The following HSPB2 variants were observed in gnomAD, a reference collection of about 807,000 sequenced individuals.
The protein encoded by HSPB2 is heat shock protein beta-2.
Under a neutral mutation model 14.1 loss-of-function variants are expected in HSPB2, and 14 were observed. The observed-to-expected ratio is 0.99, with a 90% CI of 0.66 to 1.55. HSPB2 has a LOEUF of 1.55. HSPB2 is among the 40% of genes most tolerant of loss of function. The probability of loss-of-function intolerance (pLI) is 0.00; values close to 1 mark genes in which losing one functional copy is unlikely to be tolerated. For synonymous variants in HSPB2, 110 were observed against 103.4 expected, an observed-to-expected ratio of 1.06 and a Z score of -0.39; for missense variants, 242 against 241.7, an observed-to-expected ratio of 1.00 and a Z score of -0.01.
Position 111,913,853 on chromosome 11 carries a change from T to A in HSPB2, c.507T>A (p.Pro169=), listed in dbSNP as rs1965551939. 1.9e-6 allele frequency: 3 copies of A among 1,613,366 alleles called. No individual in the cohort carries two copies. Among genetic ancestry groups the A allele is most frequent in the Non-Finnish European group, 2.5e-6 (3 of 1,179,676 alleles). Residue 169 remains proline (P), a synonymous_variant, in exon 2 of 2, where the codon CCT becomes CCA. Coordinates refer to ENST00000304298, the MANE Select transcript of HSPB2 (RefSeq NM_001541.4). ...ACATCTCCCTGCTCCCTGCGCCTCC[T>A]GATCCAGAGGAAGAGGAGGAGGCAG... ...EVYISLLPAP[P]DPEEEEEAAI...
chr11:111,913,217 C>A (rs1240717538), intron 1 of HSPB2: 2 of 604,186 alleles, frequency 3.3e-6, no homozygotes, highest in African/African-American at 1.9e-5. Context: ...TCCTCCTCCC[C>A]CTCCTCCTCC....
Position 111,913,822 on chromosome 11 carries a change from A to T in HSPB2, c.476A>T (p.Glu159Val). Residue 159 changes from glutamate (E) to valine (V), a missense_variant, in exon 2 of 2, where the codon GAG becomes GTG. Physicochemically the swap from Glu to Val is moderately radical, Grantham distance 121. Coordinates refer to ENST00000304298, the MANE Select transcript of HSPB2 (RefSeq NM_001541.4). ...CGACATTTGGACACAGAGGTCAATG[A>T]GGTCTACATCTCCCTGCTCCCTGCG... ...GGRHLDTEVN[E>V]VYISLLPAPP... 1.2e-6 allele frequency: 2 copies of T among 1,614,158 alleles called. No individual in the cohort carries two copies. Among genetic ancestry groups the T allele is most frequent in the Middle Eastern group, 1.6e-4 (1 of 6,062 alleles).
At position 111,913,872 on chromosome 11, in the gene HSPB2, G is replaced by T. The variant is rs1965552561; in HGVS notation, c.526G>T (p.Glu176Ter). ...GCCTCCTGATCCAGAGGAAGAGGAG[G>T]AGGCAGCCATAGTTGAGCCCTGATT... is the stretch of plus-strand genomic sequence containing the variant. ...PAPPDPEEEE[E>*]AAIVEP is the part of the protein sequence containing the mutation. The change falls in exon 2 of 2, where the codon GAG becomes TAG. Residue 176 changes from glutamate (E) to a stop codon, truncating the protein, a stop_gained. Coordinates refer to ENST00000304298, the MANE Select transcript of HSPB2 (RefSeq NM_001541.4). LOFTEE classifies it high-confidence loss of function. 4 of 1,611,226 alleles carry T rather than the reference G, an allele frequency of 2.5e-6. No homozygotes were observed. The highest frequency in any genetic ancestry group is 3.3e-4 in the Middle Eastern group (2 of 6,050).
rs782506463 is a variant in HSPB2 at position 111,913,467 on chromosome 11, C to A, written c.121C>A (p.Pro41Thr). 3 of 1,611,314 alleles carry A rather than the reference C, an allele frequency of 1.9e-6. No individual in the cohort carries two copies. The highest frequency in any genetic ancestry group is 1.3e-5 in the African/African-American group (1 of 75,048). ...EGLLPEEILT[P>T]TLYHGYYVRP... ...CCTCCTGCCAGAAGAGATCCTGACC[C>A]CCACACTCTACCATGGCTACTATGT... The change falls in exon 2 of 2, where the codon CCC (proline) becomes ACC (threonine). Residue 41 changes from proline (P) to threonine (T), a missense_variant. Pro to Thr is a conservative substitution (Grantham distance 38). Coordinates refer to ENST00000304298, the MANE Select transcript of HSPB2 (RefSeq NM_001541.4).
Position 111,912,900 on chromosome 11 carries a change from T to TG in HSPB2, c.74dup (p.Glu26Ter). Reference sequence around the variant, plus strand: ...TACGAATTTGCCAACCCGAGCCGCCTGGGTGAGCAGCGCTTCGGAGAAGGT... The same window carrying TG: ...TACGAATTTGCCAACCCGAGCCGCCTGGGGTGAGCAGCGCTTCGGAGAAGGT... On this transcript the variant is annotated frameshift_variant, in exon 1 of 2. Transcript: ENST00000304298. LOFTEE classifies it high-confidence loss of function. The TG allele has an allele frequency of 6.2e-7, 1 of 1,608,360 alleles. No homozygotes were observed. Among genetic ancestry groups the TG allele is most frequent in the Non-Finnish European group, 8.5e-7 (1 of 1,178,524 alleles).
chr11:111,913,228 T>G, intron 1 of HSPB2: 1 of 547,776 alleles, frequency 1.8e-6, no homozygotes, highest in East Asian at 3.3e-5. Flanking sequence ...CTCCTCCTCC[T>G]TCTCCTCCTC....
chr11:111,913,802 T>C lies in HSPB2; in HGVS notation c.456T>C (p.His152=). Residue 152 remains histidine (H), a synonymous_variant, in exon 2 of 2, where the codon CAT becomes CAC. Transcript: ENST00000304298. ...TGGAAGCACCTCGGGGTGGCCGACATTTGGACACAGAGGTCAATGAGGTCT... is the reference window on the plus strand; with the variant it reads ...TGGAAGCACCTCGGGGTGGCCGACACTTGGACACAGAGGTCAATGAGGTCT... ...LNLEAPRGGR[H]LDTEVNEVYI... 3 of 1,614,138 alleles carry C rather than the reference T, an allele frequency of 1.9e-6. No homozygotes were observed. The highest frequency in any genetic ancestry group is 2.5e-6 in the Non-Finnish European group (3 of 1,180,022).
Position 111,913,948 on chromosome 11 carries a change from G to A in HSPB2, c.*53G>A, listed in dbSNP as rs777642141. On this transcript the variant is annotated 3_prime_UTR_variant, in exon 2 of 2. Coordinates refer to ENST00000304298, the MANE Select transcript of HSPB2 (RefSeq NM_001541.4). ...CCCTCTCTACCTCCCAAGGTGATAT[G>A]GGCAGCTGCCCACCACTCCAGAGGT... 72 of 1,477,614 alleles carry A rather than the reference G, an allele frequency of 4.9e-5. No homozygotes were observed. Among genetic ancestry groups the A allele is most frequent in the Non-Finnish European group, 6.0e-5 (65 of 1,091,032 alleles). 91.5% of individuals were successfully genotyped at this position (1,477,614 alleles called of 1,614,324 possible). A position where few individuals can be genotyped will look rare whatever the true frequency, so the allele number is the denominator to read the frequency against.
Position 111,913,602 on chromosome 11 carries a change from G to A in HSPB2, c.256G>A (p.Asp86Asn). The A allele has an allele frequency of 2.5e-6, 4 of 1,614,198 alleles. No homozygotes were observed. Among genetic ancestry groups the A allele is most frequent in the Non-Finnish European group, 3.4e-6 (4 of 1,180,038 alleles). Residue 86 changes from aspartate to asparagine, a missense_variant, in exon 2 of 2, where the codon GAC (aspartate) becomes AAC (asparagine). Coordinates refer to ENST00000304298, the MANE Select transcript of HSPB2 (RefSeq NM_001541.4). ...TCTGGATGTGAGCCACTTTACCCCA[G>A]ACGAGGTGACTGTGAGGACTGTGGA... ...AFLDVSHFTPDEVTVRTVDNL... is the reference protein window; with the variant it reads ...AFLDVSHFTPNEVTVRTVDNL...
At chr11:111,913,386 C>A (rs1965533025) in intron 1 of HSPB2, 55 bp from the exon 2 acceptor site, 2 of 1,395,780 alleles carry the variant, frequency 1.4e-6, no homozygotes, top group South Asian at 1.3e-5. Context: ...CATTTCGCCC[C>A]TGTGCCAGCC....
Position 111,912,870 on chromosome 11 carries a change from CCGAGTA to C in HSPB2, c.45_50del (p.Tyr16_Glu17del). 1 of 1,609,582 alleles carries C rather than the reference CCGAGTA, an allele frequency of 6.2e-7. No homozygotes were observed. The highest frequency in any genetic ancestry group is 1.1e-5 in the South Asian group (1 of 90,036). ...GTGCCACATGCCCACCCGGCCACCG[CCGAGTA>C]CGAATTTGCCAACCCGAGCCGCCTG... On this transcript the variant is annotated inframe_deletion, in exon 1 of 2. Coordinates refer to ENST00000304298, the MANE Select transcript of HSPB2 (RefSeq NM_001541.4).
chr11:111,913,338 C>G, intron 1 of HSPB2, 103 bp from the exon 2 acceptor site: 2 of 878,680 alleles, frequency 2.3e-6, no homozygotes, highest in Non-Finnish European at 3.6e-6. Context: ...CTCCTGACTC[C>G]CCTCTTGCTC....
At chr11:111,913,113 A>C in intron 1 of HSPB2, 190 bp downstream of exon 1, 1 of 604,850 alleles carries the variant, frequency 1.7e-6, no homozygotes, top group Non-Finnish European at 3.0e-6. Context: ...ACCTCAAGAC[A>C]CACTTGGTGC....
At position 111,913,604 on chromosome 11, in the gene HSPB2, C is replaced by G. The variant is rs141344478; in HGVS notation, c.258C>G (p.Asp86Glu). The G allele has an allele frequency of 2.5e-6, 4 of 1,614,198 alleles. No individual in the cohort carries two copies. Among genetic ancestry groups the G allele is most frequent in the African/African-American group, 1.3e-5 (1 of 75,052 alleles). ...AFLDVSHFTP[D>E]EVTVRTVDNL... ...TGGATGTGAGCCACTTTACCCCAGACGAGGTGACTGTGAGGACTGTGGATA... is the reference window on the plus strand; with the variant it reads ...TGGATGTGAGCCACTTTACCCCAGAGGAGGTGACTGTGAGGACTGTGGATA... Residue 86 changes from aspartate (D) to glutamate (E), a missense_variant, in exon 2 of 2, where the codon GAC (aspartate) becomes GAG (glutamate). By Grantham distance (45) the Asp-to-Glu change is conservative. Transcript: ENST00000304298.
chr11:111,913,130 T>A (rs1237362848), intron 1 of HSPB2: 1 of 612,474 alleles, frequency 1.6e-6, no homozygotes, highest in Non-Finnish European at 3.0e-6. Context: ...GTGCTTGCAG[T>A]GCTGATACCT....
chr11:111,913,045 C>A (rs1469975852), intron 1 of HSPB2, 122 bp downstream of exon 1: 2 of 720,544 alleles, frequency 2.8e-6, no homozygotes, highest in Non-Finnish European at 4.9e-6. Context: ...GACCAGCCAC[C>A]CCCCACCCCA....
chr11:111,914,046 G>A lies in HSPB2; in HGVS notation c.*151G>A, dbSNP rs189529671. On this transcript the variant is annotated 3_prime_UTR_variant, in exon 2 of 2. Transcript: ENST00000304298. ...GTTTGGTCCCATGGGACATGTCATA[G>A]CCTTGGTTTAGTTTTGGGTGGAGCT... 244 of 733,036 alleles carry A rather than the reference G, an allele frequency of 3.3e-4. No homozygotes were observed. The African/African-American group carries it at 3.9e-3, about 12-fold the overall frequency. The allele number at this position is 733,036 out of a possible 1,614,324, so 45.4% of individuals were successfully genotyped here. A position where few individuals can be genotyped will look rare whatever the true frequency, so the allele number is the denominator to read the frequency against.
rs782460577 is a variant in HSPB2 at position 111,912,801 on chromosome 11, G to C, written c.-29G>C. On this transcript the variant is annotated 5_prime_UTR_variant, in exon 1 of 2. Transcript: ENST00000304298. ...GCTGCGCCTGTTGGGGCTGCACCTC[G>C]GACCAGGGCTTCTGCTGCATCTGCA... 9.0e-6 allele frequency: 14 copies of C among 1,562,286 alleles called. No homozygotes were observed. In the African/African-American group the frequency reaches 1.6e-4, roughly 18 times the overall value.
chr11:111,912,947 T>TCCCCCCCCCCCCC, intron 1 of HSPB2, 24 bp downstream of exon 1: 2 of 1,143,318 alleles, frequency 1.7e-6, no homozygotes, highest in South Asian at 1.3e-5. Flanking sequence ...ACCACCCCCT[T>TCCCCCCCCCCCCC]GCCCCCCACC....
Sources: allele counts gnomAD v4.1 joint callset, GRCh38; gene constraint gnomAD v4.1.1; transcripts MANE v1.5; gene names NCBI Gene and HGNC (gene_info 2026-07-23, HGNC 2026-07-21).